Variants in CSMD3 observed in about 807,000 individuals in gnomAD.
CSMD3 encodes CUB and Sushi multiple domains 3.
Under a neutral mutation model 435.2 loss-of-function variants are expected in CSMD3, and 177 were observed. That is an observed-to-expected ratio of 0.41 (90% CI 0.36 to 0.46). The LOEUF (loss-of-function observed/expected upper bound fraction) is 0.46, where lower values mean the gene tolerates loss of function less well. Ranked by LOEUF, CSMD3 falls within the 20% of genes least tolerant of loss-of-function variation. The probability of loss-of-function intolerance (pLI) is 0.34; values close to 1 mark genes in which losing one functional copy is unlikely to be tolerated. For synonymous variants in CSMD3, 1,656 were observed against 1,520.5 expected (o/e 1.09, Z -2.07); for missense variants, 4,265 against 4,504.6 (o/e 0.95, Z 1.52).
chr8:112,661,422 G>A (rs1431021445), intron 17 of CSMD3, among the ~76,000 whole-genome samples: 1 of 152,130 alleles, frequency 6.6e-6, no homozygotes, highest in Admixed American at 6.6e-5. Flanking sequence ...AAGAATTTTG[G>A]ACAGAGAAAA....
intron 30 of CSMD3, among the ~76,000 whole-genome samples, chr8:112,494,452 T>A (rs1384235505): frequency 1.4e-5 from 2 of 146,108 alleles, no homozygotes; most frequent in Admixed American, 6.8e-5. Flanking sequence ...TTCTTTTGTT[T>A]CTTTCTCTCC....
At chr8:112,423,653 C>G (rs1186658170) in intron 32 of CSMD3, among the ~76,000 whole-genome samples, 1 of 152,052 alleles carries the variant, frequency 6.6e-6, no homozygotes, top group African/African-American at 2.4e-5. Flanking sequence ...CCATGTTGCC[C>G]AGGCTGGACT....
At chr8:113,139,871 C>T (rs1248768353) in intron 4 of CSMD3, among the ~76,000 whole-genome samples, 1 of 151,052 alleles carries the variant, frequency 6.6e-6, no homozygotes, top group Non-Finnish European at 1.5e-5. Context: ...AAAGCAGTAT[C>T]ATGGAAATAT....
intron 11 of CSMD3, among the ~76,000 whole-genome samples, chr8:112,833,502 T>G (rs1203340990): frequency 6.6e-6 from 1 of 152,080 alleles, no homozygotes; most frequent in East Asian, 1.9e-4. Flanking sequence ...TGTAAATTAT[T>G]TTTAGTTTCT....
At chr8:112,725,729 A>AT (rs1435033072) in intron 13 of CSMD3, among the ~76,000 whole-genome samples, 3 of 151,880 alleles carry the variant, frequency 2.0e-5, no homozygotes, top group East Asian at 1.9e-4. Context: ...AATCCGAAGG[A>AT]TTTTTTTCCA....
intron 38 of CSMD3, among the ~76,000 whole-genome samples, chr8:112,375,464 T>C (rs1348608060): frequency 6.6e-6 from 1 of 152,086 alleles, no homozygotes; most frequent in Non-Finnish European, 1.5e-5. Flanking sequence ...ATGTGACTAG[T>C]TATTGATTTC....
At chr8:113,025,961 A>C (rs531190007) in intron 5 of CSMD3, among the ~76,000 whole-genome samples, 2 of 152,252 alleles carry the variant, frequency 1.3e-5, no homozygotes, top group African/African-American at 4.8e-5. Context: ...ATAAACAATG[A>C]CTATTGGCTC....
intron 4 of CSMD3, among the ~76,000 whole-genome samples, chr8:113,157,924 G>A (rs541191621): frequency 5.3e-5 from 8 of 152,096 alleles, no homozygotes; most frequent in South Asian, 2.1e-4. Flanking sequence ...TAACATTTCC[G>A]CCTCTAGTGA....
At chr8:113,397,315 TG>T (rs1326088343) in intron 1 of CSMD3, among the ~76,000 whole-genome samples, 1 of 152,184 alleles carries the variant, frequency 6.6e-6, no homozygotes, top group African/African-American at 2.4e-5. Context: ...TTCTTCTTTA[TG>T]GTCTCTTTAA....
intron 23 of CSMD3, among the ~76,000 whole-genome samples, chr8:112,585,624 G>T (rs1396757227): frequency 6.6e-6 from 1 of 151,592 alleles, no homozygotes; most frequent in Non-Finnish European, 1.5e-5. Flanking sequence ...GTATAGGAAA[G>T]AAATGAATGA....
chr8:113,336,892 T>C (rs931716421), intron 1 of CSMD3, among the ~76,000 whole-genome samples: 1 of 152,214 alleles, frequency 6.6e-6, no homozygotes, highest in African/African-American at 2.4e-5. Context: ...AGTGAGGGTG[T>C]TGGAACACCT....
chr8:112,919,833 A>G, intron 10 of CSMD3, among the ~76,000 whole-genome samples: 1 of 151,898 alleles, frequency 6.6e-6, no homozygotes, highest in East Asian at 1.9e-4. Context: ...TTCACTTTAT[A>G]AGAAAATATG....
At chr8:112,872,593 A>G (rs2130068073) in intron 10 of CSMD3, among the ~76,000 whole-genome samples, 1 of 152,064 alleles carries the variant, frequency 6.6e-6, no homozygotes, top group Admixed American at 6.6e-5. Flanking sequence ...GTTGTTTAAA[A>G]TTTATCTTAG....
Position 112,859,183 on chromosome 8 carries a change from G to T in CSMD3, c.1717C>A (p.Gln573Lys). 6.2e-7 allele frequency: 1 copy of T among 1,610,462 alleles called. No individual in the cohort carries two copies. Among genetic ancestry groups the T allele is most frequent in the Non-Finnish European group, 8.5e-7 (1 of 1,177,252 alleles). ...NFPFQYDSNA[Q>K]CVWVITAVNT... ...ACTGCTGTGATGACCCAGACACATT[G>T]TGCATTGCTGTCATACTGGAACGGA... Residue 573 changes from glutamine to lysine, a missense_variant, in exon 11 of 71, where the codon CAA (glutamine) becomes AAA (lysine). Coordinates refer to ENST00000297405, the MANE Select transcript of CSMD3 (RefSeq NM_198123.2).
chr8:112,511,745 C>T (rs1474894636), intron 28 of CSMD3, among the ~76,000 whole-genome samples: 8 of 152,042 alleles, frequency 5.3e-5, no homozygotes, highest in Non-Finnish European at 1.0e-4. Flanking sequence ...TGGATTTCCG[C>T]GTAGCATGTG....
intron 3 of CSMD3, among the ~76,000 whole-genome samples, chr8:113,262,758 C>A (rs1291088521): frequency 6.6e-6 from 1 of 151,880 alleles, no homozygotes; most frequent in Admixed American, 6.6e-5. Flanking sequence ...AATACAATTG[C>A]AAGAAAATAA....
chr8:112,650,149 A>G lies in CSMD3; in HGVS notation c.3193+12T>C. On this transcript the variant is annotated intron_variant, in intron 19 of 70. Coordinates refer to ENST00000297405, the MANE Select transcript of CSMD3 (RefSeq NM_198123.2). ...TAAATCAGCATATTTTGCATGTCAA[A>G]TGAGTTATTACCATCACAGGTTGGA... 1 of 1,592,704 alleles carries G rather than the reference A, an allele frequency of 6.3e-7. No homozygotes were observed.
At chr8:112,936,351 C>G (rs1027299225) in intron 9 of CSMD3, among the ~76,000 whole-genome samples, 4 of 152,032 alleles carry the variant, frequency 2.6e-5, no homozygotes, top group Non-Finnish European at 4.4e-5. Flanking sequence ...AATCATATTG[C>G]TTCTTCACTT....
chr8:113,301,919 T>C (rs538910839), intron 2 of CSMD3, among the ~76,000 whole-genome samples: 25 of 152,030 alleles, frequency 1.6e-4, no homozygotes, highest in Middle Eastern at 3.4e-3. Flanking sequence ...GATTTTTAAG[T>C]GGACCCTGAT....
Sources: gnomAD v4.1 joint callset for allele counts (sites outside exome capture counted in the v4.1 genomes callset) on GRCh38, gnomAD v4.1.1 for gene constraint, MANE v1.5 for transcripts, NCBI Gene and HGNC (gene_info 2026-07-23, HGNC 2026-07-21) for gene names.